PSMB7: variants seen among roughly 807,000 people sequenced by gnomAD.
The protein encoded by PSMB7 is proteasome subunit beta type-7.
In PSMB7, 5 loss-of-function variants were observed where a neutral mutation model predicts 28.1. That is an observed-to-expected ratio of 0.18 (90% confidence interval 0.09 to 0.37). The LOEUF is 0.37. Ranked by LOEUF, PSMB7 falls within the 10% of genes least tolerant of loss-of-function variation. The probability of loss-of-function intolerance (pLI) is 1.00; values close to 1 mark genes in which losing one functional copy is unlikely to be tolerated. For missense variants in PSMB7, 275 were observed against 346.2 expected, an observed-to-expected ratio of 0.79 and a Z score of 1.63; for synonymous variants, 122 against 123.7, an observed-to-expected ratio of 0.99 and a Z score of 0.09.
intron 6 of PSMB7, among the ~76,000 whole-genome samples, chr9:124,366,463 A>G (rs1454364888): frequency 1.3e-5 from 2 of 152,266 alleles, no homozygotes; most frequent in East Asian, 1.9e-4. Context: ...GTACAGCTGT[A>G]CAATGTGCTT....
chr9:124,376,570 G>A (rs779719206), intron 6 of PSMB7, among the ~76,000 whole-genome samples: 1 of 152,144 alleles, frequency 6.6e-6, no homozygotes, highest in Non-Finnish European at 1.5e-5. Context: ...GCTTTCTGCC[G>A]TCTTCACAAG....
At chr9:124,391,578 C>T (rs1830787708) in intron 5 of PSMB7, among the ~76,000 whole-genome samples, 1 of 151,682 alleles carries the variant, frequency 6.6e-6, no homozygotes, top group Non-Finnish European at 1.5e-5. Context: ...AAACATATGC[C>T]ATTCACTGTT....
chr9:124,381,693 G>A (rs941870142), intron 6 of PSMB7, among the ~76,000 whole-genome samples: 21 of 152,198 alleles, frequency 1.4e-4, no homozygotes, highest in African/African-American at 4.8e-4. Context: ...CTATACAGAC[G>A]CAGAACCAGA....
chr9:124,358,151 C>T (rs983634202), intron 6 of PSMB7, among the ~76,000 whole-genome samples: 1 of 152,194 alleles, frequency 6.6e-6, no homozygotes, highest in African/African-American at 2.4e-5. Context: ...TGGAGAAACA[C>T]GGACTCCAGG....
chr9:124,408,478 G>C (rs1256604561), intron 4 of PSMB7, among the ~76,000 whole-genome samples: 1 of 152,038 alleles, frequency 6.6e-6, no homozygotes, highest in African/African-American at 2.4e-5. Flanking sequence ...CCACAAAACG[G>C]ATACTATGAC....
At chr9:124,414,492 T>C (rs1423053855) in intron 2 of PSMB7, among the ~76,000 whole-genome samples, 3 of 152,096 alleles carry the variant, frequency 2.0e-5, no homozygotes, top group Non-Finnish European at 2.9e-5. Context: ...CTGCCAGAAG[T>C]TGGAATCAGC....
In PSMB7 at chr9:124,405,534, C is replaced by T. The variant is rs1262009278; in HGVS notation, c.396-102G>A. 1.8e-5 allele frequency: 13 copies of T among 732,940 alleles called. No individual in the cohort carries two copies. In the South Asian group the frequency reaches 2.0e-4, roughly 11 times the overall value. 45.4% of individuals were successfully genotyped at this position (732,940 alleles called of 1,614,324 possible). A position where few individuals can be genotyped will look rare whatever the true frequency, so the allele number is the denominator to read the frequency against. On this transcript the variant is annotated intron_variant, in intron 4 of 7. Coordinates refer to ENST00000259457, the MANE Select transcript of PSMB7 (RefSeq NM_002799.4). ...AGAAGTCAGGTAACAAAAAGTTTTC[C>T]TTAAGACTGTTTCATTAAGGGGTTA...
chr9:124,354,893 A>T (rs575880679), intron 7 of PSMB7, among the ~76,000 whole-genome samples: 1 of 152,182 alleles, frequency 6.6e-6, no homozygotes, highest in Admixed American at 6.5e-5. Context: ...CACTGTGGTG[A>T]CAGTGCCCGA....
At chr9:124,401,618 A>G (rs543176956) in intron 5 of PSMB7, among the ~76,000 whole-genome samples, 25 of 152,328 alleles carry the variant, frequency 1.6e-4, no homozygotes, top group African/African-American at 6.0e-4. Context: ...CCTCGTCAGT[A>G]GGTACATCTG....
intron 4 of PSMB7, among the ~76,000 whole-genome samples, chr9:124,407,077 A>G (rs1212602441): frequency 6.6e-6 from 1 of 152,240 alleles, no homozygotes; most frequent in Non-Finnish European, 1.5e-5. Context: ...GTGCTAGATA[A>G]ACATGCTGGA....
chr9:124,411,479 C>T (rs1831026731), intron 4 of PSMB7, among the ~76,000 whole-genome samples: 1 of 152,190 alleles, frequency 6.6e-6, no homozygotes, highest in Admixed American at 6.5e-5. Context: ...CCATTCTACA[C>T]AGAAGGAAAA....
At chr9:124,387,806 C>T (rs192715133) in intron 5 of PSMB7, among the ~76,000 whole-genome samples, 42 of 151,540 alleles carry the variant, frequency 2.8e-4, no homozygotes, top group African/African-American at 7.8e-4. Context: ...ATTTCAAATA[C>T]AGCTGCAATT....
chr9:124,390,943 CACAA>C (rs1428328938), intron 5 of PSMB7, among the ~76,000 whole-genome samples: 1 of 152,220 alleles, frequency 6.6e-6, no homozygotes, highest in Non-Finnish European at 1.5e-5. Context: ...AATCAATCAT[CACAA>C]ACAAATACAC....
chr9:124,388,241 T>C (rs1360417849), intron 5 of PSMB7, among the ~76,000 whole-genome samples: 1 of 152,214 alleles, frequency 6.6e-6, no homozygotes, highest in African/African-American at 2.4e-5. Flanking sequence ...TGGTTTCCCA[T>C]TAAAGAACAG....
intron 6 of PSMB7, among the ~76,000 whole-genome samples, chr9:124,371,667 G>C (rs940446845): frequency 5.3e-5 from 8 of 152,176 alleles, no homozygotes; most frequent in Admixed American, 2.0e-4. Context: ...ATGTACCTGA[G>C]ACCCAAGTTA....
chr9:124,368,888 G>A (rs1564677126), intron 6 of PSMB7, among the ~76,000 whole-genome samples: 1 of 152,148 alleles, frequency 6.6e-6, no homozygotes, highest in Non-Finnish European at 1.5e-5. Context: ...TACACAAGAG[G>A]CAAAAATCAA....
At chr9:124,414,121 G>A (rs186336472) in intron 2 of PSMB7, 116 bp from the exon 3 acceptor site, 44 of 605,688 alleles carry the variant, frequency 7.3e-5, no homozygotes, top group East Asian at 2.9e-4. Context: ...ATCTCAAAAC[G>A]CCAGCCAAAA....
chr9:124,413,154 A>C (rs1254905220), intron 3 of PSMB7, among the ~76,000 whole-genome samples: 2 of 123,716 alleles, frequency 1.6e-5, no homozygotes, highest in African/African-American at 3.5e-5. Context: ...CATCTCTCCC[A>C]AAAAAAAAAA....
chr9:124,410,623 C>A (rs570558333), intron 4 of PSMB7, among the ~76,000 whole-genome samples: 1 of 152,278 alleles, frequency 6.6e-6, no homozygotes, highest in East Asian at 1.9e-4. Flanking sequence ...GGCAATAATT[C>A]TCCTGGATTA....
Sources: allele counts gnomAD v4.1 joint callset (sites outside exome capture counted in the v4.1 genomes callset), GRCh38; gene constraint gnomAD v4.1.1; transcripts MANE v1.5; gene names NCBI Gene and HGNC (gene_info 2026-07-23, HGNC 2026-07-21).